DAPL1: variants seen among roughly 807,000 people sequenced by gnomAD.
DAPL1 encodes the protein death-associated protein-like 1.
Under a neutral mutation model 12.9 loss-of-function variants are expected in DAPL1, and 17 were observed. The observed-to-expected ratio is 1.32, with a 90% CI of 0.90 to 1.98. DAPL1 has a LOEUF of 1.98. DAPL1 is among the 30% of genes most tolerant of loss of function. The probability of loss-of-function intolerance (pLI) is 0.00; values close to 1 mark genes in which losing one functional copy is unlikely to be tolerated. For missense variants in DAPL1, 157 were observed against 125.7 expected (o/e 1.25, Z -1.19); for synonymous variants, 51 against 42.0 (o/e 1.21, Z -0.82).
At chr2:158,795,525 C>A in intron 1 of DAPL1, 95 bp downstream of exon 1, 1 of 1,196,836 alleles carries the variant, frequency 8.4e-7, no homozygotes, top group Non-Finnish European at 1.2e-6. Context: ...GGAAGCTTCT[C>A]TGTCTACCCA....
intron 1 of DAPL1, among the ~76,000 whole-genome samples, chr2:158,798,407 CA>C (rs2059146910): frequency 1.3e-5 from 2 of 152,234 alleles, no homozygotes; most frequent in South Asian, 4.1e-4. Flanking sequence ...GGCATTGGAA[CA>C]GGACAGAACC....
intron 1 of DAPL1, among the ~76,000 whole-genome samples, chr2:158,803,138 G>A (rs1031835443): frequency 2.0e-5 from 3 of 152,192 alleles, no homozygotes; most frequent in Non-Finnish European, 2.9e-5. Flanking sequence ...AAACCTGAGT[G>A]TATGTGTAGA....
chr2:158,799,240 T>G (rs2059152316), intron 1 of DAPL1, among the ~76,000 whole-genome samples: 1 of 152,234 alleles, frequency 6.6e-6, no homozygotes, highest in Non-Finnish European at 1.5e-5. Flanking sequence ...ACTGAAAGTC[T>G]TAATTTACAT....
intron 3 of DAPL1, among the ~76,000 whole-genome samples, chr2:158,810,199 C>A (rs568081413): frequency 6.6e-6 from 1 of 152,218 alleles, no homozygotes; most frequent in East Asian, 1.9e-4. Flanking sequence ...ATATATGAAT[C>A]GATATATAAA....
Position 158,813,771 on chromosome 2 carries a change from G to A in DAPL1, c.208-1934G>A, listed in dbSNP as rs113922777. ...GGGGTTTCACCGTGTTAGCCAGGAT[G>A]GTCTCGATCGCCTGACCTCATGATC... On this transcript the variant is annotated intron_variant, in intron 3 of 3. Coordinates refer to ENST00000309950, the MANE Select transcript of DAPL1 (RefSeq NM_001017920.3). Among the ~76,000 whole-genome samples the A allele has an allele frequency of 3.7e-3, 568 of 152,162 alleles. 1 individual carries two copies. In the Middle Eastern group the frequency reaches 0.037, roughly 10 times the overall value.
At chr2:158,802,663 C>T (rs1363233434) in intron 1 of DAPL1, among the ~76,000 whole-genome samples, 1 of 152,138 alleles carries the variant, frequency 6.6e-6, no homozygotes, top group Non-Finnish European at 1.5e-5. Context: ...AGACAAGACC[C>T]CTATATAAGA....
intron 1 of DAPL1, 73 bp from the exon 2 acceptor site, chr2:158,804,209 G>A: frequency 1.0e-6 from 1 of 992,064 alleles, no homozygotes; most frequent in Non-Finnish European, 1.5e-6. Context: ...CAAATCTAAA[G>A]TCATACCTTT....
intron 3 of DAPL1, among the ~76,000 whole-genome samples, chr2:158,813,844 C>T (rs542262330): frequency 5.3e-5 from 8 of 152,220 alleles, no homozygotes; most frequent in East Asian, 1.9e-4. Context: ...TGTGGGCCAC[C>T]GAGCCCGGCC....
intron 3 of DAPL1, 22 bp from the exon 4 acceptor site, chr2:158,815,673 ATGCCTATTTT>A (rs1448496215): frequency 1.5e-6 from 2 of 1,299,128 alleles, no homozygotes; most frequent in Non-Finnish European, 1.1e-6. Flanking sequence ...AAGATCCAAT[ATGCCTATTTT>A]TTCTTCCCTT....
intron 1 of DAPL1, among the ~76,000 whole-genome samples, chr2:158,796,990 C>T (rs2059137792): frequency 6.6e-6 from 1 of 152,236 alleles, no homozygotes. Flanking sequence ...TTCAGCCTGT[C>T]TTGCCACTAA....
intron 3 of DAPL1, among the ~76,000 whole-genome samples, chr2:158,811,558 A>G (rs537850373): frequency 3.9e-5 from 6 of 152,316 alleles, no homozygotes; most frequent in African/African-American, 1.4e-4. Flanking sequence ...TGAAATGAAA[A>G]ATATAGGTTC....
chr2:158,798,455 C>G (rs1393916204), intron 1 of DAPL1, among the ~76,000 whole-genome samples: 1 of 152,232 alleles, frequency 6.6e-6, no homozygotes, highest in Admixed American at 6.5e-5. Context: ...GATTCACCTC[C>G]TCCTGCCCCA....
At chr2:158,813,233 G>A (rs566181023) in intron 3 of DAPL1, among the ~76,000 whole-genome samples, 1 of 152,250 alleles carries the variant, frequency 6.6e-6, no homozygotes, top group Admixed American at 6.5e-5. Context: ...GCTTGGAGGA[G>A]GAGGGAATGG....
At chr2:158,799,861 C>T (rs757758123) in intron 1 of DAPL1, among the ~76,000 whole-genome samples, 4 of 151,940 alleles carry the variant, frequency 2.6e-5, no homozygotes, top group Non-Finnish European at 5.9e-5. Context: ...TCTTCTTCCC[C>T]CTAAAATGTC....
intron 3 of DAPL1, among the ~76,000 whole-genome samples, chr2:158,813,802 G>A (rs910368702): frequency 1.7e-4 from 26 of 152,122 alleles, no homozygotes; most frequent in East Asian, 9.7e-4. Context: ...TGATCCGCCC[G>A]CCTTGGCCTC....
At chr2:158,804,788 C>CT (rs1434508151) in intron 2 of DAPL1, among the ~76,000 whole-genome samples, 1 of 152,188 alleles carries the variant, frequency 6.6e-6, no homozygotes, top group Non-Finnish European at 1.5e-5. Flanking sequence ...AAATAAATGT[C>CT]TTTTTTGTTT....
intron 3 of DAPL1, among the ~76,000 whole-genome samples, chr2:158,812,519 C>T (rs1401738429): frequency 6.6e-6 from 1 of 152,160 alleles, no homozygotes; most frequent in Admixed American, 6.5e-5. Flanking sequence ...TCAGGCTGGA[C>T]GCAGTGGCTC....
In DAPL1 at chr2:158,804,288, C is replaced by T. The variant is rs1271732197; in HGVS notation, c.65C>T (p.Ala22Val). Residue 22 changes from alanine to valine, a missense_variant, in exon 2 of 4, where the codon GCT becomes GTT. Coordinates refer to ENST00000309950, the MANE Select transcript of DAPL1 (RefSeq NM_001017920.3). ...RKGGHPPAVK[A>V]GGMRISKKQE... The stretch of plus-strand genomic sequence containing the variant: ...GATTTTTATCTGTTTGTAGTAAAAG[C>T]TGGAGGAATGAGAATTTCCAAAAAA... 1.2e-6 allele frequency: 2 copies of T among 1,606,748 alleles called. No individual in the cohort carries two copies. Among genetic ancestry groups the T allele is most frequent in the Non-Finnish European group, 1.7e-6 (2 of 1,175,504 alleles).
Position 158,809,822 on chromosome 2 carries a change from A to G in DAPL1, c.207+2707A>G, listed in dbSNP as rs192279003. ...ATAAGGGACTATCTCAAAAACGAAC[A>G]TTGGTAGAATCCATGTGTTTCCATA... On this transcript the variant is annotated intron_variant, in intron 3 of 3. Transcript: ENST00000309950. 3.1e-3 allele frequency among the ~76,000 whole-genome samples: 476 copies of G among 152,308 alleles called. 1 individual carries two copies. Among genetic ancestry groups the G allele is most frequent in the African/African-American group, 0.011 (449 of 41,566 alleles).
Sources: gnomAD v4.1 joint callset for allele counts (sites outside exome capture counted in the v4.1 genomes callset) on GRCh38, gnomAD v4.1.1 for gene constraint, MANE v1.5 for transcripts, NCBI Gene and HGNC (gene_info 2026-07-23, HGNC 2026-07-21) for gene names.